The following VPS53 variants were observed in gnomAD, a reference collection of about 807,000 sequenced individuals.
VPS53 encodes VPS53 subunit of GARP complex, also known as vacuolar protein sorting-associated protein 53 homolog.
VPS53 carries 70 observed loss-of-function variants against 107.0 expected under a neutral mutation model. That is an observed-to-expected ratio of 0.65 (90% confidence interval 0.54 to 0.80). The LOEUF is 0.80. Among genes scored for constraint, VPS53 ranks in the 30% least tolerant of loss-of-function variants. The pLI is 0.00. For synonymous variants in VPS53, 409 were observed against 393.3 expected, an observed-to-expected ratio of 1.04 and a Z score of -0.47; for missense variants, 917 against 1,049.4, an observed-to-expected ratio of 0.87 and a Z score of 1.74.
At chr17:567,342 C>A (rs1913618259) in intron 13 of VPS53, among the ~76,000 whole-genome samples, 1 of 152,160 alleles carries the variant, frequency 6.6e-6, no homozygotes. Context: ...GAAACCTTCC[C>A]CTGCCTTCCA....
intron 15 of VPS53, 114 bp from the exon 16 acceptor site, chr17:553,576 T>C (rs1912066648): frequency 6.5e-6 from 1 of 154,236 alleles, no homozygotes; most frequent in Non-Finnish European, 8.6e-6. Flanking sequence ...TCCATACACT[T>C]TTTTTTTTTT....
chr17:633,011 C>T (rs1290457126), intron 7 of VPS53, among the ~76,000 whole-genome samples: 1 of 152,128 alleles, frequency 6.6e-6, no homozygotes, highest in East Asian at 1.9e-4. Context: ...AATATGAAAA[C>T]GGAACTGCAA....
chr17:655,368 AC>A (rs57381685), intron 6 of VPS53, among the ~76,000 whole-genome samples: 9,163 of 152,238 alleles, frequency 0.06, 549 homozygotes, highest in East Asian at 0.31. Context: ...CTCTTCCATG[AC>A]AGTGCAACTC....
chr17:658,036 A>G (rs113119133), intron 5 of VPS53, among the ~76,000 whole-genome samples: 126 of 30,146 alleles, frequency 4.2e-3, no homozygotes, highest in South Asian at 0.013. Context: ...ACATCCCACT[A>G]AAGTGAGAAA....
intron 7 of VPS53, among the ~76,000 whole-genome samples, chr17:640,356 G>A (rs530607792): frequency 1.3e-5 from 2 of 152,186 alleles, no homozygotes; most frequent in East Asian, 1.9e-4. Flanking sequence ...CCCGGGTGAC[G>A]CGATGCCCTG....
chr17:592,050 G>A (rs1967688260), intron 12 of VPS53, among the ~76,000 whole-genome samples: 1 of 152,032 alleles, frequency 6.6e-6, no homozygotes, highest in African/African-American at 2.4e-5. Flanking sequence ...GGTCACTCAG[G>A]ACTTGCTTTA....
intron 2 of VPS53, among the ~76,000 whole-genome samples, chr17:708,587 C>A (rs1973506267): frequency 6.6e-6 from 1 of 152,104 alleles, no homozygotes; most frequent in Non-Finnish European, 1.5e-5. Flanking sequence ...AGGCCCCCCA[C>A]GAGAGCTGGT....
At chr17:687,301 G>A (rs1274732398) in intron 4 of VPS53, among the ~76,000 whole-genome samples, 1 of 150,206 alleles carries the variant, frequency 6.7e-6, no homozygotes, top group East Asian at 2.0e-4. Flanking sequence ...AAAAAAGCCA[G>A]GTGCGGTGGC....
intron 13 of VPS53, among the ~76,000 whole-genome samples, chr17:576,295 C>T (rs546731930): frequency 6.6e-6 from 1 of 152,062 alleles, no homozygotes; most frequent in East Asian, 1.9e-4. Flanking sequence ...CCCTGAGAAC[C>T]TCAATGCATT....
chr17:643,387 C>T (rs74619334), intron 7 of VPS53, among the ~76,000 whole-genome samples: 1 of 129,640 alleles, frequency 7.7e-6, no homozygotes, highest in Admixed American at 8.0e-5. Context: ...TCATACTTGG[C>T]AACTGAGGAC....
intron 13 of VPS53, among the ~76,000 whole-genome samples, chr17:569,323 A>T (rs1186718079): frequency 1.3e-5 from 2 of 152,186 alleles, no homozygotes; most frequent in African/African-American, 4.8e-5. Flanking sequence ...ATTAAATAGT[A>T]ATGTACCAAT....
chr17:666,906 A>G (rs1461668959), intron 4 of VPS53, among the ~76,000 whole-genome samples: 1 of 152,172 alleles, frequency 6.6e-6, no homozygotes, highest in Non-Finnish European at 1.5e-5. Flanking sequence ...GCGACAGAGC[A>G]AGACTCCATC....
intron 11 of VPS53, among the ~76,000 whole-genome samples, chr17:608,730 C>T (rs1968702240): frequency 6.6e-6 from 1 of 151,680 alleles, no homozygotes. Context: ...ACCCTTGCAC[C>T]TCAGCCTCCT....
At chr17:567,310 G>A (rs1394325549) in intron 13 of VPS53, among the ~76,000 whole-genome samples, 1 of 152,140 alleles carries the variant, frequency 6.6e-6, no homozygotes, top group Admixed American at 6.5e-5. Flanking sequence ...CTTTCAAGTG[G>A]ATGAGAAATA....
Position 646,323 on chromosome 17 carries a change from G to T in VPS53, c.608+6968C>A, listed in dbSNP as rs978152388. 1.3e-4 allele frequency among the ~76,000 whole-genome samples: 17 copies of T among 127,060 alleles called. 3 individuals are homozygous for T. Among genetic ancestry groups the T allele is most frequent in the Non-Finnish European group, 2.6e-4 (15 of 58,126 alleles). 83.4% of individuals were successfully genotyped at this position (127,060 alleles called of 152,430 possible). On this transcript the variant is annotated intron_variant, in intron 7 of 21. Coordinates refer to ENST00000437048, the MANE Select transcript of VPS53 (RefSeq NM_001128159.3). The stretch of plus-strand genomic sequence containing the variant: ...ACCGCGTGGCCTCTGCCTGATAAGG[G>T]TCTTATTTTTTCTAATCCATACTAC...
intron 4 of VPS53, among the ~76,000 whole-genome samples, chr17:683,302 G>C (rs960887131): frequency 1.3e-5 from 2 of 151,930 alleles, no homozygotes; most frequent in Non-Finnish European, 2.9e-5. Flanking sequence ...GAGATCCCAA[G>C]AGGAATAAGG....
chr17:619,070 T>C (rs1969318364), intron 11 of VPS53, among the ~76,000 whole-genome samples: 1 of 138,430 alleles, frequency 7.2e-6, no homozygotes, highest in South Asian at 2.3e-4. Flanking sequence ...TAGCTGGGAC[T>C]ACAGGCGTGC....
At chr17:563,562 G>A (rs1015900544) in intron 13 of VPS53, among the ~76,000 whole-genome samples, 11 of 152,096 alleles carry the variant, frequency 7.2e-5, no homozygotes, top group Non-Finnish European at 1.5e-4. Flanking sequence ...CCAAAGTGCT[G>A]GGATTACAGG....
intron 11 of VPS53, among the ~76,000 whole-genome samples, chr17:604,899 G>C (rs1463134722): frequency 1.3e-5 from 2 of 152,192 alleles, no homozygotes; most frequent in Non-Finnish European, 2.9e-5. Flanking sequence ...CCTAGGAGTA[G>C]AGCAGTGAGA....
Sources: allele counts gnomAD v4.1 joint callset (sites outside exome capture counted in the v4.1 genomes callset), GRCh38; gene constraint gnomAD v4.1.1; transcripts MANE v1.5; gene names NCBI Gene and HGNC (gene_info 2026-07-23, HGNC 2026-07-21).